ATRN: variants seen among roughly 807,000 people sequenced by gnomAD.
ATRN encodes attractin-2.
In ATRN, 54 loss-of-function variants were observed where a neutral mutation model predicts 178.7. The observed-to-expected ratio is 0.30, with a 90% CI of 0.24 to 0.38. The LOEUF is 0.38. Ranked by LOEUF, ATRN falls within the 10% of genes least tolerant of loss-of-function variation. ATRN has a pLI of 1.00. For missense variants in ATRN, 1,443 were observed against 1,815.1 expected (o/e 0.79, Z 3.73); for synonymous variants, 636 against 663.0 (o/e 0.96, Z 0.63).
At chr20:3,602,049 C>T (rs528020078) in intron 23 of ATRN, among the ~76,000 whole-genome samples, 3 of 152,070 alleles carry the variant, frequency 2.0e-5, no homozygotes, top group South Asian at 4.1e-4. Context: ...ACCGTCCTGG[C>T]AGGGCGTGAT....
chr20:3,501,737 G>A (rs1399445048), intron 1 of ATRN, among the ~76,000 whole-genome samples: 1 of 152,196 alleles, frequency 6.6e-6, no homozygotes, highest in African/African-American at 2.4e-5. Flanking sequence ...TTCCCTTGGG[G>A]GGACTGGCCG....
Position 3,646,855 on chromosome 20 carries a change from G to A in ATRN, c.*8G>A, listed in dbSNP as rs752668783. On this transcript the variant is annotated 3_prime_UTR_variant, in exon 29 of 29. Coordinates refer to ENST00000262919, the MANE Select transcript of ATRN (RefSeq NM_139321.3). ...CCTGGGACCTGCATCTGATGCTGGG[G>A]CCAGGGACTCTCCCACGCACGAGCT... 12 of 1,612,984 alleles carry A rather than the reference G, an allele frequency of 7.4e-6. No homozygotes were observed. Among genetic ancestry groups the A allele is most frequent in the Non-Finnish European group, 8.5e-6 (10 of 1,179,710 alleles).
chr20:3,545,854 C>T lies in ATRN; in HGVS notation c.701C>T (p.Ala234Val). ...GYALLHFFSD[A>V]AYNLTGFNIT... is the part of the protein sequence containing the mutation. ...GCCTTGCTGCATTTTTTTAGTGATGCTGCTTATAATTTGACTGGATTTAAT... is the reference window on the plus strand; with the variant it reads ...GCCTTGCTGCATTTTTTTAGTGATGTTGCTTATAATTTGACTGGATTTAAT... The change falls in exon 4 of 29, where the codon GCT becomes GTT. Residue 234 changes from alanine to valine, a missense_variant. Ala to Val is a moderately conservative substitution (Grantham distance 64). Coordinates refer to ENST00000262919, the MANE Select transcript of ATRN (RefSeq NM_139321.3). The T allele has an allele frequency of 6.2e-7, 1 of 1,613,890 alleles. No homozygotes were observed.
intron 14 of ATRN, among the ~76,000 whole-genome samples, chr20:3,578,256 T>G (rs1384068353): frequency 6.6e-6 from 1 of 152,206 alleles, no homozygotes; most frequent in Non-Finnish European, 1.5e-5. Context: ...TGCTCTTCAC[T>G]TAGGATTTTA....
intron 1 of ATRN, among the ~76,000 whole-genome samples, chr20:3,472,639 G>A (rs6037606): frequency 0.94 from 143,135 of 152,296 alleles, 67,285 homozygotes; most frequent in South Asian, 0.99. Context: ...CTCTTGGAGA[G>A]GGTTCTCATT....
At position 3,647,049 on chromosome 20, in the gene ATRN, T is replaced by G; in HGVS notation, c.*202T>G. The stretch of plus-strand genomic sequence containing the variant: ...TGTTCCAGCATCTAACCTTTTACTT[T>G]TGCATAGGAAATACTTGATTTAATT... On this transcript the variant is annotated 3_prime_UTR_variant, in exon 29 of 29. Coordinates refer to ENST00000262919, the MANE Select transcript of ATRN (RefSeq NM_139321.3). The G allele has an allele frequency of 1.5e-6, 1 of 646,870 alleles. No individual in the cohort carries two copies. The highest frequency in any genetic ancestry group is 2.4e-6 in the Non-Finnish European group (1 of 411,788). The allele number at this position is 646,870 out of a possible 1,614,324, so 40.1% of individuals were successfully genotyped here.
chr20:3,589,819 G>A (rs1038743471), intron 18 of ATRN, among the ~76,000 whole-genome samples: 5 of 152,238 alleles, frequency 3.3e-5, no homozygotes, highest in Admixed American at 1.3e-4. Context: ...GAAGGAAGGA[G>A]CAATGGACCT....
At chr20:3,514,406 A>G (rs898713194) in intron 1 of ATRN, among the ~76,000 whole-genome samples, 1 of 152,190 alleles carries the variant, frequency 6.6e-6, no homozygotes, top group Non-Finnish European at 1.5e-5. Flanking sequence ...CTGAAAGAAA[A>G]GGAAAACAGC....
chr20:3,478,902 A>G (rs1214809135), intron 1 of ATRN, among the ~76,000 whole-genome samples: 2 of 147,598 alleles, frequency 1.4e-5, no homozygotes, highest in African/African-American at 5.0e-5. Context: ...TCAGTTCTCT[A>G]TAATCTATAA....
intron 12 of ATRN, among the ~76,000 whole-genome samples, chr20:3,575,233 A>T (rs2086191362): frequency 6.6e-6 from 1 of 152,306 alleles, no homozygotes; most frequent in African/African-American, 2.4e-5. Context: ...AAGTGCTGAG[A>T]TTACAGGCAT....
At chr20:3,599,730 G>A (rs1418637167) in intron 22 of ATRN, among the ~76,000 whole-genome samples, 1 of 152,134 alleles carries the variant, frequency 6.6e-6, no homozygotes, top group East Asian at 1.9e-4. Flanking sequence ...CATGCTCAGG[G>A]GGTCCTGGAA....
At chr20:3,477,811 G>A (rs560587552) in intron 1 of ATRN, among the ~76,000 whole-genome samples, 5 of 152,308 alleles carry the variant, frequency 3.3e-5, no homozygotes, top group East Asian at 1.9e-4. Context: ...TAAAAAAGTC[G>A]TCTTTACCCA....
chr20:3,576,090 C>T, intron 13 of ATRN, 142 bp downstream of exon 13: 1 of 1,033,800 alleles, frequency 9.7e-7, no homozygotes. Context: ...CTGAGGTTTT[C>T]CTTTAGGAAG....
At chr20:3,495,772 A>C (rs192064964) in intron 1 of ATRN, among the ~76,000 whole-genome samples, 3 of 152,200 alleles carry the variant, frequency 2.0e-5, no homozygotes, top group Admixed American at 2.0e-4. Context: ...TAAATGAAAA[A>C]AAAAACAAAA....
At chr20:3,549,085 T>C (rs1231319181) in intron 5 of ATRN, 85 bp from the exon 6 acceptor site, 1 of 1,085,516 alleles carries the variant, frequency 9.2e-7, no homozygotes, top group African/African-American at 1.7e-5. Context: ...ATTTAAATAT[T>C]TGTTACATTT....
chr20:3,598,815 TCTTA>T (rs2086567020), intron 22 of ATRN, among the ~76,000 whole-genome samples: 1 of 152,244 alleles, frequency 6.6e-6, no homozygotes, highest in African/African-American at 2.4e-5. Context: ...CTTGGAGATT[TCTTA>T]CTTCTCATGA....
chr20:3,596,418 G>C lies in ATRN; in HGVS notation c.3458G>C (p.Gly1153Ala). Residue 1153 changes from glycine (G) to alanine (A), a missense_variant, in exon 21 of 29, where the codon GGA (glycine) becomes GCA (alanine). Gly to Ala is a moderately conservative substitution (Grantham distance 60). Around this residue, in one of 4 missense-constraint regions of ATRN, gnomAD observed 289 missense variants for 440.8 expected, o/e 0.66. Transcript: ENST00000262919. ...CGATACCAAGGAAACCCTCTCAGAG[G>C]AACATGTTATTGTAAGTGGTTTTGC... ...ENRYQGNPLR[G>A]TCYYTLLIDY... 6.2e-7 allele frequency: 1 copy of C among 1,613,466 alleles called. No individual in the cohort carries two copies. The highest frequency in any genetic ancestry group is 8.5e-7 in the Non-Finnish European group (1 of 1,179,456).
At chr20:3,542,597 C>T (rs1418023954) in intron 3 of ATRN, among the ~76,000 whole-genome samples, 2 of 105,564 alleles carry the variant, frequency 1.9e-5, no homozygotes, top group Non-Finnish European at 3.8e-5. Flanking sequence ...CTTCTCCCTT[C>T]CCCTTCCCCC....
At chr20:3,531,797 AAACAACAAC>A (rs144998439) in intron 1 of ATRN, among the ~76,000 whole-genome samples, 410 of 151,830 alleles carry the variant, frequency 2.7e-3, no homozygotes, top group African/African-American at 9.4e-3. Flanking sequence ...AAGTGGGTTA[AAACAACAAC>A]AACAACAACA....
Sources: gnomAD v4.1 joint callset for allele counts (sites outside exome capture counted in the v4.1 genomes callset) on GRCh38, gnomAD v4.1.1 for gene constraint, gnomAD v4.1.1 regional missense constraint, MANE v1.5 for transcripts, NCBI Gene and HGNC (gene_info 2026-07-23, HGNC 2026-07-21) for gene names.